SNX7: variants seen among roughly 807,000 people sequenced by gnomAD.
The protein encoded by SNX7 is sorting nexin-7.
SNX7 carries 35 observed loss-of-function variants against 48.4 expected under a neutral mutation model. The ratio of observed to expected loss-of-function variants is 0.72; its 90% CI spans 0.55 to 0.96. The LOEUF (loss-of-function observed/expected upper bound fraction) is 0.96. SNX7 is among the 40% of genes least tolerant of loss of function. The probability of loss-of-function intolerance (pLI) is 0.00; values close to 1 mark genes in which losing one functional copy is unlikely to be tolerated. For missense variants in SNX7, 553 were observed against 548.9 expected (o/e 1.01, Z -0.07); for synonymous variants, 190 against 190.2 (o/e 1.00, Z 0.01).
intron 8 of SNX7, among the ~76,000 whole-genome samples, chr1:98,740,650 T>C (rs879067732): frequency 6.6e-6 from 1 of 152,198 alleles, no homozygotes; most frequent in Non-Finnish European, 1.5e-5. Flanking sequence ...TGTATTTTTT[T>C]TCAGTCTCAT....
chr1:98,690,349 T>C (rs1020228749), intron 2 of SNX7, among the ~76,000 whole-genome samples: 1 of 152,120 alleles, frequency 6.6e-6, no homozygotes, highest in African/African-American at 2.4e-5. Context: ...ATGAGGTTGA[T>C]ATTGTACCCA....
chr1:98,760,091 C>T lies in SNX7; in HGVS notation c.1316C>T (p.Thr439Ile), dbSNP rs756828763. 1.2e-6 allele frequency: 2 copies of T among 1,610,192 alleles called. No homozygotes were observed. The highest frequency in any genetic ancestry group is 1.7e-6 in the Non-Finnish European group (2 of 1,176,876). The change falls in exon 9 of 9, where the codon ACC becomes ATC. Residue 439 changes from threonine to isoleucine, a missense_variant. Coordinates refer to ENST00000306121, the MANE Select transcript of SNX7 (RefSeq NM_015976.5). Reference sequence around the variant, plus strand: ...TGGGAGTCATTCCTTACATCACAGACCAACCTTCACTTGGAAGAAGCCTCT... The same window carrying T: ...TGGGAGTCATTCCTTACATCACAGATCAACCTTCACTTGGAAGAAGCCTCT... The part of the protein sequence containing the change: ...ATWESFLTSQ[T>I]NLHLEEASED...
chr1:98,703,077 C>T (rs2100978118), intron 7 of SNX7, among the ~76,000 whole-genome samples: 1 of 152,176 alleles, frequency 6.6e-6, no homozygotes, highest in East Asian at 1.9e-4. Context: ...CTTTCCCTCT[C>T]CATAATTGAA....
At chr1:98,698,586 T>C in intron 5 of SNX7, 120 bp from the exon 6 acceptor site, 1 of 875,086 alleles carries the variant, frequency 1.1e-6, no homozygotes, top group Non-Finnish European at 1.7e-6. Context: ...TTTTCTTATG[T>C]TCTTGTGTAA....
intron 4 of SNX7, 145 bp downstream of exon 4, chr1:98,691,844 C>T: frequency 1.8e-6 from 1 of 555,494 alleles, no homozygotes; most frequent in Non-Finnish European, 2.9e-6. Flanking sequence ...GGAGAGTTAT[C>T]CTTCAGATAT....
intron 5 of SNX7, among the ~76,000 whole-genome samples, chr1:98,696,508 C>T (rs1354659294): frequency 6.6e-6 from 1 of 151,472 alleles, no homozygotes; most frequent in East Asian, 1.9e-4. Context: ...GAAAAAAAAC[C>T]ACGAATGAAC....
intron 7 of SNX7, among the ~76,000 whole-genome samples, chr1:98,710,853 T>G (rs1652261997): frequency 6.6e-6 from 1 of 152,194 alleles, no homozygotes; most frequent in Admixed American, 6.5e-5. Context: ...TTAATTATTC[T>G]TTATCCATTA....
chr1:98,716,408 G>A (rs997264385), intron 7 of SNX7, among the ~76,000 whole-genome samples: 2 of 152,114 alleles, frequency 1.3e-5, no homozygotes, highest in African/African-American at 4.8e-5. Context: ...TTCTCCACCA[G>A]TGTGGACATT....
chr1:98,663,251 TGG>T (rs762792157), intron 1 of SNX7, among the ~76,000 whole-genome samples: 4 of 9,956 alleles, frequency 4.0e-4, no homozygotes, highest in African/African-American at 9.8e-4. Context: ...GGTTTCTTTC[TGG>T]TTTTTTTTTT....
At chr1:98,724,105 G>T (rs1653041607) in intron 7 of SNX7, among the ~76,000 whole-genome samples, 1 of 152,108 alleles carries the variant, frequency 6.6e-6, no homozygotes, top group Non-Finnish European at 1.5e-5. Context: ...GGCTGGGGCA[G>T]TTCTTACTCC....
chr1:98,736,936 A>G (rs193171193), intron 7 of SNX7, among the ~76,000 whole-genome samples: 18 of 152,266 alleles, frequency 1.2e-4, no homozygotes, highest in Admixed American at 1.2e-3. Context: ...TTAAAACATA[A>G]GAGAGATGAT....
chr1:98,754,197 C>A (rs1654731617), intron 8 of SNX7, among the ~76,000 whole-genome samples: 1 of 151,866 alleles, frequency 6.6e-6, no homozygotes, highest in African/African-American at 2.4e-5. Context: ...TCCAGTCTTG[C>A]CTTCGTGGGA....
At chr1:98,674,591 C>T (rs964295777) in intron 1 of SNX7, among the ~76,000 whole-genome samples, 16 of 152,172 alleles carry the variant, frequency 1.1e-4, no homozygotes, top group African/African-American at 3.4e-4. Flanking sequence ...TCACACTCCA[C>T]GGTACTGGGG....
In SNX7 at chr1:98,674,422, C is replaced by T. The variant is rs573698121; in HGVS notation, c.181-10463C>T. 2.6e-5 allele frequency among the ~76,000 whole-genome samples: 4 copies of T among 152,292 alleles called. 1 individual carries two copies. The South Asian group carries it at 8.3e-4, about 32-fold the overall frequency. ...CCAACATGGCTTATAGATCCATGTT[C>T]TCCCAGTGTCTCCACACATCCTATT... On this transcript the variant is annotated intron_variant, in intron 1 of 8. Coordinates refer to ENST00000306121, the MANE Select transcript of SNX7 (RefSeq NM_015976.5).
intron 2 of SNX7, among the ~76,000 whole-genome samples, chr1:98,686,257 G>T (rs1025896677): frequency 6.6e-6 from 1 of 152,030 alleles, no homozygotes; most frequent in Non-Finnish European, 1.5e-5. Context: ...AACTCTTAAG[G>T]AATGTAAAAC....
intron 1 of SNX7, among the ~76,000 whole-genome samples, chr1:98,666,578 G>C (rs1348508516): frequency 6.6e-6 from 1 of 152,134 alleles, no homozygotes; most frequent in Non-Finnish European, 1.5e-5. Context: ...GTAGGACATA[G>C]TACAACAATG....
At chr1:98,668,972 G>A (rs1339979150) in intron 1 of SNX7, among the ~76,000 whole-genome samples, 2 of 152,196 alleles carry the variant, frequency 1.3e-5, no homozygotes, top group Non-Finnish European at 2.9e-5. Flanking sequence ...TACTAAGGCT[G>A]TTCCAGTGGA....
intron 1 of SNX7, among the ~76,000 whole-genome samples, chr1:98,666,897 T>C (rs912726459): frequency 4.6e-5 from 7 of 152,176 alleles, no homozygotes; most frequent in African/African-American, 1.4e-4. Context: ...ATTGAAACCA[T>C]ATGTAAATGC....
chr1:98,738,362 T>G lies in SNX7; in HGVS notation c.1251T>G (p.Ala417=), dbSNP rs1460298672. 6.2e-7 allele frequency: 1 copy of G among 1,613,422 alleles called. No homozygotes were observed. Among genetic ancestry groups the G allele is most frequent in the Non-Finnish European group, 8.5e-7 (1 of 1,179,584 alleles). ...NDIKLAFTDM[A]EENIHYYEQC... ...TCAAGTTAGCATTTACAGATATGGC[T>G]GAGGAGAATATCCATTATTATGAAC... is the stretch of plus-strand genomic sequence containing the variant. Residue 417 remains alanine (A), a synonymous_variant, in exon 8 of 9, where the codon GCT becomes GCG. Transcript: ENST00000306121.
Sources: allele counts gnomAD v4.1 joint callset (sites outside exome capture counted in the v4.1 genomes callset), GRCh38; gene constraint gnomAD v4.1.1; transcripts MANE v1.5; gene names NCBI Gene and HGNC (gene_info 2026-07-23, HGNC 2026-07-21).